Variants in GRIA3 observed in about 807,000 individuals in gnomAD.
GRIA3 encodes the protein glutamate ionotropic receptor AMPA type subunit 3.
GRIA3 carries 3 observed loss-of-function variants against 63.0 expected under a neutral mutation model. The observed-to-expected ratio is 0.05, with a 90% CI of 0.02 to 0.12. The LOEUF (loss-of-function observed/expected upper bound fraction) is 0.12. GRIA3 is among the 10% of genes least tolerant of loss of function. The pLI, the probability that GRIA3 is intolerant of heterozygous loss-of-function variation, is 1.00. For synonymous variants in GRIA3, 274 were observed against 257.9 expected (o/e 1.06, Z -0.60); for missense variants, 347 against 700.9 (o/e 0.50, Z 5.70).
At chrX:123,377,021 G>A (rs1259403672) in intron 5 of GRIA3, among the ~76,000 whole-genome samples, 1 of 98,667 alleles carries the variant, frequency 1.0e-5, no homozygotes, top group East Asian at 3.3e-4. Context: ...TGGAAGCTCC[G>A]CCTCCCGGGT....
intron 2 of GRIA3, among the ~76,000 whole-genome samples, chrX:123,190,954 G>A (rs1319658877): frequency 1.8e-5 from 2 of 112,122 alleles, no homozygotes; most frequent in Non-Finnish European, 3.8e-5. Context: ...CTGAGGCATC[G>A]TTATTTGTCT....
Position 123,435,734 on chromosome X carries a change from G to C in GRIA3, c.2076+7595G>C, listed in dbSNP as rs149011652. ...GCAAACCTCTATTATTACATGGCTTGTTATAGTTTCTGACGTGCTAAGGGT... is the reference window on the plus strand; with the variant it reads ...GCAAACCTCTATTATTACATGGCTTCTTATAGTTTCTGACGTGCTAAGGGT... On this transcript the variant is annotated intron_variant, in intron 12 of 15. Transcript: ENST00000620443. Among the ~76,000 whole-genome samples, 329 of 112,307 alleles carry C rather than the reference G, an allele frequency of 2.9e-3. 2 individuals are homozygous for C. The highest frequency in any genetic ancestry group is 0.01 in the African/African-American group (317 of 30,940).
intron 2 of GRIA3, among the ~76,000 whole-genome samples, chrX:123,227,217 A>T (rs2044252014): frequency 9.0e-6 from 1 of 110,939 alleles, no homozygotes; most frequent in African/African-American, 3.3e-5. Context: ...TAACTGGATC[A>T]TGAGTTCTTT....
chrX:123,474,620 T>C (rs1479457539), intron 13 of GRIA3, among the ~76,000 whole-genome samples: 6 of 110,588 alleles, frequency 5.4e-5, no homozygotes, highest in African/African-American at 2.0e-4. Context: ...GAGGCGGAGG[T>C]TGCAGTGAGC....
intron 3 of GRIA3, among the ~76,000 whole-genome samples, chrX:123,280,461 G>A (rs2044579523): frequency 8.9e-6 from 1 of 111,796 alleles, no homozygotes; most frequent in Non-Finnish European, 1.9e-5. Flanking sequence ...CTGAGGATTA[G>A]TTCATCAAAA....
intron 2 of GRIA3, among the ~76,000 whole-genome samples, chrX:123,228,105 GTAA>G (rs2147268871): frequency 8.9e-6 from 1 of 112,062 alleles, no homozygotes; most frequent in East Asian, 2.8e-4. Flanking sequence ...GGAAATTATC[GTAA>G]TAGCATGGAC....
At chrX:123,278,572 T>A (rs769932735) in intron 3 of GRIA3, among the ~76,000 whole-genome samples, 5 of 112,091 alleles carry the variant, frequency 4.5e-5, no homozygotes, top group Non-Finnish European at 7.5e-5. Context: ...ACAGTTAAGT[T>A]TTTCATCTAT....
rs5911563 is a variant in GRIA3 at position 123,260,479 on chromosome X, A to G, written c.508+6937A>G. Among the ~76,000 whole-genome samples the G allele has an allele frequency of 2.1e-3, 15 of 7,176 alleles. 2 individuals are homozygous for G. The highest frequency in any genetic ancestry group is 3.3e-3 in the African/African-American group (9 of 2,696). 6.2% of individuals were successfully genotyped at this position (7,176 alleles called of 115,157 possible). ...AAGAAAGGAAGGAAGAAGAAAGGAA[A>G]GAAAGAAAGAAAGAAAGAAAGAAAG... On this transcript the variant is annotated intron_variant, in intron 3 of 15. Coordinates refer to ENST00000620443, the MANE Select transcript of GRIA3 (RefSeq NM_007325.5).
chrX:123,375,280 T>C (rs2045277010), intron 5 of GRIA3, among the ~76,000 whole-genome samples: 1 of 112,442 alleles, frequency 8.9e-6, no homozygotes, highest in South Asian at 3.7e-4. Flanking sequence ...ATCCCTGGGA[T>C]AAATCCCACT....
chrX:123,318,650 G>C (rs1286346102), intron 3 of GRIA3, among the ~76,000 whole-genome samples: 2 of 111,628 alleles, frequency 1.8e-5, no homozygotes, highest in Non-Finnish European at 3.8e-5. Flanking sequence ...GGACCTTATT[G>C]TTCATATCAC....
intron 2 of GRIA3, among the ~76,000 whole-genome samples, chrX:123,193,977 C>G (rs1927508288): frequency 9.0e-6 from 1 of 111,083 alleles, no homozygotes; most frequent in African/African-American, 3.3e-5. Flanking sequence ...AAGGAAGATT[C>G]CCTCAAATAC....
At chrX:123,446,080 A>G (rs1444014730) in intron 12 of GRIA3, among the ~76,000 whole-genome samples, 1 of 111,472 alleles carries the variant, frequency 9.0e-6, no homozygotes, top group East Asian at 2.8e-4. Flanking sequence ...CTGGTAGTCA[A>G]TCTCGGAGTC....
chrX:123,370,671 GTATTTTATTTTATTT>G (rs935247766), intron 5 of GRIA3, among the ~76,000 whole-genome samples: 1 of 110,490 alleles, frequency 9.1e-6, no homozygotes, highest in Non-Finnish European at 1.9e-5. Flanking sequence ...TAGGAATAAT[GTATTTTATTTTATTT>G]TATTTTATTT....
At chrX:123,373,884 C>T (rs889680692) in intron 5 of GRIA3, among the ~76,000 whole-genome samples, 6 of 111,791 alleles carry the variant, frequency 5.4e-5, no homozygotes, top group Non-Finnish European at 1.1e-4. Context: ...TCAATTTTGG[C>T]TTTCGTTGCG....
chrX:123,215,873 C>T (rs764853107), intron 2 of GRIA3, among the ~76,000 whole-genome samples: 4 of 111,579 alleles, frequency 3.6e-5, no homozygotes, highest in Admixed American at 9.5e-5. Context: ...AACTGCTGAC[C>T]TAACCCAGGG....
chrX:123,213,146 G>A (rs1179721059), intron 2 of GRIA3, among the ~76,000 whole-genome samples: 2 of 111,950 alleles, frequency 1.8e-5, no homozygotes, highest in Non-Finnish European at 3.8e-5. Context: ...GTTCCATCCT[G>A]AACTCCTCCC....
chrX:123,364,963 G>T (rs1335871059), intron 5 of GRIA3, among the ~76,000 whole-genome samples: 1 of 112,131 alleles, frequency 8.9e-6, no homozygotes, highest in Non-Finnish European at 1.9e-5. Flanking sequence ...GAGGCTAGGG[G>T]GTGAGGAGAG....
rs181904484 is a variant in GRIA3 at position 123,409,339 on chromosome X, G to C, written c.1500+4425G>C. Among the ~76,000 whole-genome samples the C allele has an allele frequency of 4.5e-5, 5 of 112,234 alleles. No homozygotes were observed. In the East Asian group the frequency reaches 1.4e-3, roughly 31 times the overall value. On this transcript the variant is annotated intron_variant, in intron 10 of 15. Coordinates refer to ENST00000620443, the MANE Select transcript of GRIA3 (RefSeq NM_007325.5). ...TAAAGTTTCAAGAAAGAATCAAAAT[G>C]AATTAAATTTGCTAAAGAATAAGGA...
intron 3 of GRIA3, among the ~76,000 whole-genome samples, chrX:123,301,292 T>C (rs1452082669): frequency 9.0e-6 from 1 of 111,447 alleles, no homozygotes; most frequent in Non-Finnish European, 1.9e-5. Context: ...ACTATTATTG[T>C]CTGGGAGTCT....
Sources: allele counts gnomAD v4.1 joint callset (sites outside exome capture counted in the v4.1 genomes callset), GRCh38; gene constraint gnomAD v4.1.1; transcripts MANE v1.5; gene names NCBI Gene and HGNC (gene_info 2026-07-23, HGNC 2026-07-21).